The following KCNQ4 variants were observed in gnomAD, a reference collection of about 807,000 sequenced individuals.
The protein encoded by KCNQ4 is potassium voltage-gated channel subfamily Q member 4, also known as potassium voltage-gated channel subfamily KQT member 4.
A neutral mutation model predicts 72.6 loss-of-function variants in KCNQ4; 31 were observed. The observed-to-expected ratio is 0.43, with a 90% CI of 0.32 to 0.58. The LOEUF (loss-of-function observed/expected upper bound fraction) is 0.58. Ranked by LOEUF, KCNQ4 falls within the 20% of genes least tolerant of loss-of-function variation. KCNQ4 has a pLI of 0.08. For synonymous variants in KCNQ4, 405 were observed against 403.7 expected (o/e 1.00, Z -0.04); for missense variants, 869 against 962.6 (o/e 0.90, Z 1.29).
chr1:40,813,183 T>G (rs1297107176), intron 1 of KCNQ4, among the ~76,000 whole-genome samples: 1 of 152,194 alleles, frequency 6.6e-6, no homozygotes, highest in African/African-American at 2.4e-5. Context: ...CAGGGCCTTG[T>G]TGTCAGTGCC....
intron 9 of KCNQ4, among the ~76,000 whole-genome samples, chr1:40,828,359 T>C (rs2148327674): frequency 1.3e-5 from 2 of 152,298 alleles, no homozygotes; most frequent in Middle Eastern, 3.4e-3. Flanking sequence ...TCTTTGTGGA[T>C]TGCGACTATC....
In KCNQ4 at chr1:40,837,724, A is replaced by G; in HGVS notation, c.1805A>G (p.Lys602Arg). ...GDRKAREKGD[K>R]GPSDAEVVDE... ...AGGAAGGCCCGGGAGAAGGGCGACA[A>G]GGGGCCCTCCGACGCGGAGGTGGTG... The change falls in exon 13 of 14, where the codon AAG becomes AGG. Residue 602 changes from lysine (K) to arginine (R), a missense_variant. Transcript: ENST00000347132. 6.2e-7 allele frequency: 1 copy of G among 1,613,330 alleles called. No individual in the cohort carries two copies. The highest frequency in any genetic ancestry group is 1.1e-5 in the South Asian group (1 of 90,884).
chr1:40,795,095 T>C (rs1338012284), intron 1 of KCNQ4, among the ~76,000 whole-genome samples: 1 of 152,052 alleles, frequency 6.6e-6, no homozygotes, highest in African/African-American at 2.4e-5. Flanking sequence ...GGCTGTGTGA[T>C]GCCAGGCAGG....
Position 40,819,985 on chromosome 1 carries a change from C to T in KCNQ4, c.945C>T (p.Ala315=), listed in dbSNP as rs776036290. ...LLGISFFALP[A]GILGSGFALK... ...GCATCTCTTTCTTTGCCCTGCCTGC[C>T]GTGAGTTGCCTCCTGCTCAGTTGGT... Residue 315 remains alanine, a splice_region_variant and synonymous_variant, in exon 6 of 14, where the codon GCC becomes GCT. Transcript: ENST00000347132. The T allele has an allele frequency of 8.7e-6, 14 of 1,612,724 alleles. No individual in the cohort carries two copies. The East Asian group carries it at 1.6e-4, about 18-fold the overall frequency.
intron 9 of KCNQ4, among the ~76,000 whole-genome samples, chr1:40,825,338 G>A (rs1231336410): frequency 1.3e-5 from 2 of 152,172 alleles, no homozygotes; most frequent in East Asian, 3.9e-4. Flanking sequence ...TCTGCCACCC[G>A]ATGCTGTGTG....
chr1:40,790,367 G>A (rs887678318), intron 1 of KCNQ4, among the ~76,000 whole-genome samples: 3 of 152,174 alleles, frequency 2.0e-5, no homozygotes, highest in Non-Finnish European at 2.9e-5. Flanking sequence ...CTTCTCCTCC[G>A]GGGAGAGGTG....
At chr1:40,803,101 T>C (rs1054030395) in intron 1 of KCNQ4, among the ~76,000 whole-genome samples, 4 of 152,168 alleles carry the variant, frequency 2.6e-5, no homozygotes, top group African/African-American at 9.7e-5. Flanking sequence ...TGGGAGGGTT[T>C]TGGAGGTAGA....
At position 40,790,529 on chromosome 1, in the gene KCNQ4, T is replaced by G. The variant is rs1014654038; in HGVS notation, c.314+6122T>G. Reference sequence around the variant, plus strand: ...CTCCTGTGGGCCCTGCCCATGAGAGTGTCTGACTTACATTCTCTCGTGTAA... The same window carrying G: ...CTCCTGTGGGCCCTGCCCATGAGAGGGTCTGACTTACATTCTCTCGTGTAA... On this transcript the variant is annotated intron_variant, in intron 1 of 13. Coordinates refer to ENST00000347132, the MANE Select transcript of KCNQ4 (RefSeq NM_004700.4). Among the ~76,000 whole-genome samples the G allele has an allele frequency of 2.6e-4, 40 of 152,028 alleles. 1 individual carries two copies. The highest frequency in any genetic ancestry group is 2.9e-5 in the Non-Finnish European group (2 of 68,004).
In KCNQ4 at chr1:40,818,203, G is replaced by A. The variant is rs755979378; in HGVS notation, c.445G>A (p.Val149Ile). The change falls in exon 3 of 14, where the codon GTC becomes ATC. Residue 149 changes from valine to isoleucine, a missense_variant. Val to Ile is a conservative substitution (Grantham distance 29). Coordinates refer to ENST00000347132, the MANE Select transcript of KCNQ4 (RefSeq NM_004700.4). Reference sequence around the variant, plus strand: ...CGTGGTTTTCGGCTTGGAGTACATCGTCCGGGTCTGGTCCGCCGGATGCTG... The same window carrying A: ...CGTGGTTTTCGGCTTGGAGTACATCATCCGGGTCTGGTCCGCCGGATGCTG... ...MIVVFGLEYIVRVWSAGCCCR... is the reference protein window; with the variant it reads ...MIVVFGLEYIIRVWSAGCCCR... 9 of 1,613,868 alleles carry A rather than the reference G, an allele frequency of 5.6e-6. No individual in the cohort carries two copies. The highest frequency in any genetic ancestry group is 3.3e-5 in the Admixed American group (2 of 60,006).
intron 1 of KCNQ4, among the ~76,000 whole-genome samples, chr1:40,808,925 A>G (rs1163614001): frequency 1.3e-5 from 2 of 152,126 alleles, no homozygotes; most frequent in Admixed American, 1.3e-4. Context: ...TGTTAAACCT[A>G]CACTTACTGT....
At chr1:40,807,605 C>T (rs1332631606) in intron 1 of KCNQ4, among the ~76,000 whole-genome samples, 1 of 152,244 alleles carries the variant, frequency 6.6e-6, no homozygotes, top group Non-Finnish European at 1.5e-5. Flanking sequence ...AAGTAAGTGC[C>T]TGCTCTCTCT....
rs765001922 is a variant in KCNQ4 at position 40,784,345 on chromosome 1, G to A, written c.252G>A (p.Gln84=). 27 of 1,610,020 alleles carry A rather than the reference G, an allele frequency of 1.7e-5. No individual in the cohort carries two copies. The highest frequency in any genetic ancestry group is 2.2e-5 in the Non-Finnish European group (26 of 1,179,322). ...SAAHKRYRRL[Q]NWVYNVLERP... ...CGCACAAGCGCTACCGCCGCCTGCA[G>A]AACTGGGTCTACAACGTGCTGGAGC... is the stretch of plus-strand genomic sequence containing the variant. Residue 84 remains glutamine (Q), a synonymous_variant, in exon 1 of 14, where the codon CAG becomes CAA. Coordinates refer to ENST00000347132, the MANE Select transcript of KCNQ4 (RefSeq NM_004700.4). The surrounding 1 kb of genome is among the most constrained non-coding windows in gnomAD (Gnocchi z 4.1).
At chr1:40,835,716 GATAA>G (rs952258762) in intron 12 of KCNQ4, among the ~76,000 whole-genome samples, 1 of 152,222 alleles carries the variant, frequency 6.6e-6, no homozygotes, top group Non-Finnish European at 1.5e-5. Context: ...GAGAATAAGT[GATAA>G]ATAAGTAAAA....
intron 12 of KCNQ4, 24 bp from the exon 13 acceptor site, chr1:40,837,641 C>A (rs1333645409): frequency 6.2e-7 from 1 of 1,609,200 alleles, no homozygotes; most frequent in East Asian, 2.2e-5. Context: ...TCCCCGGGCC[C>A]TCTGATGGTT....
intron 1 of KCNQ4, among the ~76,000 whole-genome samples, chr1:40,786,159 G>A (rs1389219091): frequency 1.3e-5 from 2 of 152,114 alleles, no homozygotes; most frequent in Non-Finnish European, 2.9e-5. Context: ...GAGTGCCTAA[G>A]GAGGGTGAGA....
At position 40,796,108 on chromosome 1, in the gene KCNQ4, G is replaced by A. The variant is rs144015001; in HGVS notation, c.314+11701G>A. Among the ~76,000 whole-genome samples the A allele has an allele frequency of 5.8e-3, 884 of 152,188 alleles. 11 individuals are homozygous for A. The highest frequency in any genetic ancestry group is 0.02 in the African/African-American group (835 of 41,510). The stretch of plus-strand genomic sequence containing the variant: ...AGACAACTGAGTGCCTGGAGAGGCC[G>A]AGTGTGCAACGATTCTGTGACATGA... On this transcript the variant is annotated intron_variant, in intron 1 of 13. Transcript: ENST00000347132.
In KCNQ4 at chr1:40,818,447, C is replaced by G. The variant is rs2296838; in HGVS notation, c.533-58C>G. On this transcript the variant is annotated intron_variant, in intron 3 of 13. Transcript: ENST00000347132. The stretch of plus-strand genomic sequence containing the variant: ...CCTGCCACATCCCCAGAAGTCCCCG[C>G]CTCCGGGTCCGTGCGCGGGGTAGGC... 0.15 allele frequency: 231,702 copies of G among 1,593,460 alleles called. 17,609 individuals are homozygous for G. The highest frequency in any genetic ancestry group is 0.28 in the East Asian group (12,442 of 44,740).
chr1:40,798,556 G>A lies in KCNQ4; in HGVS notation c.314+14149G>A, dbSNP rs887630407. Among the ~76,000 whole-genome samples, 10 of 152,374 alleles carry A rather than the reference G, an allele frequency of 6.6e-5. No individual in the cohort carries two copies. In the East Asian group the frequency reaches 9.6e-4, roughly 15 times the overall value. ...ATTTTGTGCTGAGGCTCAGAAAGGA[G>A]AAGTGACTTGCCCAAGGTCATTCAG... On this transcript the variant is annotated intron_variant, in intron 1 of 13. Transcript: ENST00000347132.
At chr1:40,814,708 A>C (rs367905768) in intron 1 of KCNQ4, among the ~76,000 whole-genome samples, 2,116 of 151,866 alleles carry the variant, frequency 0.014, 22 homozygotes, top group Non-Finnish European at 0.018. Context: ...TGTCTCAAAA[A>C]AAAACAAAAC....
Sources: allele counts gnomAD v4.1 joint callset (sites outside exome capture counted in the v4.1 genomes callset), GRCh38; gene constraint gnomAD v4.1.1; non-coding constraint Gnocchi (gnomAD v3.1); transcripts MANE v1.5; gene names NCBI Gene and HGNC (gene_info 2026-07-23, HGNC 2026-07-21).